TCTN1: variants seen among roughly 807,000 people sequenced by gnomAD.
The protein encoded by TCTN1 is tectonic family member 1, also known as tectonic-1.
In TCTN1, 58 loss-of-function variants were observed where a neutral mutation model predicts 65.8. The ratio of observed to expected loss-of-function variants is 0.88; its 90% CI spans 0.71 to 1.10. The LOEUF (loss-of-function observed/expected upper bound fraction) is 1.10. Among genes scored for constraint, TCTN1 ranks in the 50% least tolerant of loss-of-function variants. TCTN1 has a pLI of 0.00. For missense variants in TCTN1, 645 were observed against 719.4 expected (o/e 0.90, Z 1.18); for synonymous variants, 273 against 289.1 (o/e 0.94, Z 0.57).
intron 1 of TCTN1, 158 bp downstream of exon 1, chr12:110,614,560 C>G (rs1320956855): frequency 4.2e-6 from 6 of 1,417,366 alleles, no homozygotes; most frequent in Non-Finnish European, 5.8e-6. Flanking sequence ...AAACAATAAC[C>G]CTGAGAAGTA....
chr12:110,633,107 C>T (rs1444711613), intron 5 of TCTN1, among the ~76,000 whole-genome samples: 6 of 152,138 alleles, frequency 3.9e-5, no homozygotes, highest in African/African-American at 1.4e-4. Context: ...GAATGGACCC[C>T]ATGCAGTTGG....
At chr12:110,617,441 A>G (rs2065120716) in intron 1 of TCTN1, among the ~76,000 whole-genome samples, 2 of 151,642 alleles carry the variant, frequency 1.3e-5, no homozygotes, top group Admixed American at 1.3e-4. Context: ...CTCCTGCCTC[A>G]GCCTCCCAAG....
At chr12:110,638,620 C>G (rs1291507183) in intron 7 of TCTN1, among the ~76,000 whole-genome samples, 1 of 152,316 alleles carries the variant, frequency 6.6e-6, no homozygotes, top group African/African-American at 2.4e-5. Flanking sequence ...CTGTTTCCTT[C>G]TCGGGACAGT....
chr12:110,641,249 G>A, intron 9 of TCTN1, 100 bp downstream of exon 9: 1 of 1,515,232 alleles, frequency 6.6e-7, no homozygotes, highest in Admixed American at 1.8e-5. Flanking sequence ...TTACATCCAA[G>A]CCTTTGTAGT....
Position 110,644,900 on chromosome 12 carries a change from G to C in TCTN1, c.1332-67G>C. 5 of 1,601,044 alleles carry C rather than the reference G, an allele frequency of 3.1e-6. No homozygotes were observed. The highest frequency in any genetic ancestry group is 4.3e-6 in the Non-Finnish European group (5 of 1,169,296). On this transcript the variant is annotated intron_variant, in intron 11 of 14. Transcript: ENST00000397659. The surrounding 1 kb of genome is among the most constrained non-coding windows in gnomAD (Gnocchi z 4.6). ...TAAACAAAGGGAAGGAAAGGAAGAAGAAAATGAAAAACTGCTGGTGGATGA... is the reference window on the plus strand; with the variant it reads ...TAAACAAAGGGAAGGAAAGGAAGAACAAAATGAAAAACTGCTGGTGGATGA...
Position 110,644,609 on chromosome 12 carries a change from C to T in TCTN1, c.1332-358C>T, listed in dbSNP as rs187267825. ...AGGAGAATCACTTGAACCTGGGAGGCGGTGGTTGCAGTGAGCCAAGATTGC... is the reference window on the plus strand; with the variant it reads ...AGGAGAATCACTTGAACCTGGGAGGTGGTGGTTGCAGTGAGCCAAGATTGC... On this transcript the variant is annotated intron_variant, in intron 11 of 14. Transcript: ENST00000397659. This position sits in a 1 kb window ranked among gnomAD's most constrained non-coding sequence, Gnocchi z 4.6. 1.3e-3 allele frequency: 400 copies of T among 303,758 alleles called. 2 individuals carry two copies. The highest frequency in any genetic ancestry group is 7.8e-3 in the African/African-American group (353 of 45,222). 18.8% of individuals were successfully genotyped at this position (303,758 alleles called of 1,614,324 possible). A position where few individuals can be genotyped will look rare whatever the true frequency, so the allele number is the denominator to read the frequency against.
chr12:110,627,550 AC>A (rs1369918049), intron 3 of TCTN1, among the ~76,000 whole-genome samples: 1 of 152,178 alleles, frequency 6.6e-6, no homozygotes, highest in African/African-American at 2.4e-5. Flanking sequence ...GTCTTTCGAA[AC>A]CGTATACTTA....
At position 110,645,099 on chromosome 12, in the gene TCTN1, C is replaced by T; in HGVS notation, c.1464C>T (p.Ile488=). The T allele has an allele frequency of 6.2e-7, 1 of 1,614,158 alleles. No homozygotes were observed. Among genetic ancestry groups the T allele is most frequent in the Non-Finnish European group, 8.5e-7 (1 of 1,180,040 alleles). The change falls in exon 12 of 15, where the codon ATC becomes ATT. Residue 488 remains isoleucine, a synonymous_variant. Transcript: ENST00000397659. ...AGGACATGCTGGACTGGGTGCCCAT[C>T]CACTTCATCACCCAGTCATTCAACA... ...QAQDMLDWVP[I]HFITQSFNRK... is the part of the protein sequence containing the mutation.
intron 1 of TCTN1, chr12:110,616,161 A>T: frequency 3.5e-6 from 1 of 288,538 alleles, no homozygotes; most frequent in South Asian, 3.0e-5. Flanking sequence ...TTCTCTCCAA[A>T]ATAAAGCTAT....
chr12:110,622,092 G>A (rs141906403), intron 2 of TCTN1, among the ~76,000 whole-genome samples: 2 of 151,662 alleles, frequency 1.3e-5, no homozygotes, highest in East Asian at 3.9e-4. Context: ...AGCCAAGATC[G>A]CACCATTGCA....
At chr12:110,618,622 G>A (rs554137728) in intron 1 of TCTN1, among the ~76,000 whole-genome samples, 3 of 152,140 alleles carry the variant, frequency 2.0e-5, no homozygotes, top group South Asian at 4.1e-4. Context: ...TGATCTGCCC[G>A]CCTCCCAAAG....
intron 10 of TCTN1, 45 bp downstream of exon 10, chr12:110,641,672 A>C: frequency 6.4e-7 from 1 of 1,567,462 alleles, no homozygotes; most frequent in African/African-American, 1.4e-5. Context: ...TTCTCTCTCC[A>C]TGTGCGTGGG....
rs571384402 is a variant in TCTN1, at chr12:110,634,706, A to G, written c.749A>G (p.Lys250Arg). 1.9e-6 allele frequency: 3 copies of G among 1,612,266 alleles called. No homozygotes were observed. The highest frequency in any genetic ancestry group is 1.3e-5 in the African/African-American group (1 of 75,028). Residue 250 changes from lysine to arginine, a missense_variant, in exon 6 of 15, where the codon AAA becomes AGA. Physicochemically the swap from Lys to Arg is conservative, Grantham distance 26. Transcript: ENST00000397659. The stretch of plus-strand genomic sequence containing the variant: ...AACCAGGCTGTTAAGTGCACCAGAA[A>G]AATAAATTTAGAACAGTGTGAAGAA... The part of the protein sequence containing the change: ...LVNQAVKCTR[K>R]INLEQCEEIE...
chr12:110,620,097 A>G, intron 2 of TCTN1, 141 bp downstream of exon 2: 1 of 1,299,104 alleles, frequency 7.7e-7, no homozygotes, highest in Admixed American at 1.8e-5. Flanking sequence ...ATACCGTCCA[A>G]ACAAATATGT....
At chr12:110,618,826 C>T (rs1456707454) in intron 1 of TCTN1, among the ~76,000 whole-genome samples, 1 of 152,086 alleles carries the variant, frequency 6.6e-6, no homozygotes, top group East Asian at 1.9e-4. Flanking sequence ...AATTAAAAAT[C>T]CAGATAATCA....
At chr12:110,634,517 A>G (rs1454945418) in intron 5 of TCTN1, 153 bp from the exon 6 acceptor site, 1 of 695,582 alleles carries the variant, frequency 1.4e-6, no homozygotes, top group Non-Finnish European at 2.5e-6. Context: ...TCTCTACTAA[A>G]AAAACAAAAC....
intron 4 of TCTN1, chr12:110,630,312 G>A (rs1341490195): frequency 6.6e-6 from 1 of 152,204 alleles, no homozygotes; most frequent in Non-Finnish European, 1.5e-5. Context: ...TCTCTTCAGA[G>A]TTCTTTGTTC....
chr12:110,614,297 G>A lies in TCTN1; in HGVS notation c.115G>A (p.Glu39Lys). Residue 39 changes from glutamate to lysine, a missense_variant, in exon 1 of 15, where the codon GAG (glutamate) becomes AAG (lysine). By Grantham distance (56) the Glu-to-Lys change is moderately conservative. Coordinates refer to ENST00000397659, the MANE Select transcript of TCTN1 (RefSeq NM_001082538.3). ...AVTTEGLNST[E>K]AALATFGTFP... Reference sequence around the variant, plus strand: ...GACGACAGAGGGCCTCAACTCCACCGAGGCAGCCCTGGCCACCTTCGGAAC... The same window carrying A: ...GACGACAGAGGGCCTCAACTCCACCAAGGCAGCCCTGGCCACCTTCGGAAC... 1.9e-6 allele frequency: 3 copies of A among 1,599,836 alleles called. No homozygotes were observed. The highest frequency in any genetic ancestry group is 1.1e-5 in the South Asian group (1 of 88,726).
At chr12:110,636,718 T>G (rs2066596906) in intron 7 of TCTN1, among the ~76,000 whole-genome samples, 1 of 152,186 alleles carries the variant, frequency 6.6e-6, no homozygotes, top group South Asian at 2.1e-4. Flanking sequence ...GTTGTGGTTT[T>G]GTACTCTTCC....
Sources: allele counts gnomAD v4.1 joint callset (sites outside exome capture counted in the v4.1 genomes callset), GRCh38; gene constraint gnomAD v4.1.1; non-coding constraint Gnocchi (gnomAD v3.1); transcripts MANE v1.5; gene names NCBI Gene and HGNC (gene_info 2026-07-23, HGNC 2026-07-21).